ADK: variants seen among roughly 807,000 people sequenced by gnomAD.
ADK encodes the protein N6,N6-dimethyladenosine kinase.
Under a neutral mutation model 44.7 loss-of-function variants are expected in ADK, and 24 were observed. The ratio of observed to expected loss-of-function variants is 0.54; its 90% confidence interval spans 0.39 to 0.76. The LOEUF is 0.76. Ranked by LOEUF, ADK falls within the 30% of genes least tolerant of loss-of-function variation. ADK has a pLI of 0.00. For missense variants in ADK, 321 were observed against 425.1 expected (o/e 0.76, Z 2.15); for synonymous variants, 128 against 142.6 (o/e 0.90, Z 0.73).
intron 6 of ADK, chr10:74,506,213 T>C (rs569906957): frequency 6.3e-6 from 1 of 157,622 alleles, no homozygotes; most frequent in Non-Finnish European, 1.4e-5. Context: ...TTTTCATGCC[T>C]GCTGTCGTAG....
intron 6 of ADK, among the ~76,000 whole-genome samples, chr10:74,522,652 T>G (rs1388631117): frequency 6.6e-6 from 1 of 152,216 alleles, no homozygotes; most frequent in Non-Finnish European, 1.5e-5. Flanking sequence ...TTTTTTCTTT[T>G]TAAACTTTTC....
chr10:74,467,317 T>C (rs762033163), intron 6 of ADK, among the ~76,000 whole-genome samples: 32 of 152,262 alleles, frequency 2.1e-4, no homozygotes, highest in Non-Finnish European at 4.0e-4. Flanking sequence ...ACTAGGGTAC[T>C]GCAGACTTGA....
intron 9 of ADK, among the ~76,000 whole-genome samples, chr10:74,614,362 AAT>A (rs1372841812): frequency 6.6e-6 from 1 of 152,168 alleles, no homozygotes; most frequent in African/African-American, 2.4e-5. Flanking sequence ...AAAATCCACA[AAT>A]ATGTTACTAA....
At chr10:74,301,327 A>G (rs1269451524) in intron 3 of ADK, among the ~76,000 whole-genome samples, 1 of 152,054 alleles carries the variant, frequency 6.6e-6, no homozygotes, top group East Asian at 1.9e-4. Context: ...AGTCTGGCCA[A>G]TATGGTTAAT....
chr10:74,318,256 C>T (rs10824148), intron 4 of ADK, among the ~76,000 whole-genome samples: 19,555 of 152,100 alleles, frequency 0.13, 1,319 homozygotes, highest in Middle Eastern at 0.17. Flanking sequence ...TGAACTGCTG[C>T]GCTCACAGGG....
intron 6 of ADK, among the ~76,000 whole-genome samples, chr10:74,405,679 C>T (rs1421064945): frequency 6.6e-6 from 1 of 151,960 alleles, no homozygotes; most frequent in Non-Finnish European, 1.5e-5. Context: ...ATCTGAGGTG[C>T]AACAGTTTCA....
intron 6 of ADK, among the ~76,000 whole-genome samples, chr10:74,487,188 C>T (rs928585119): frequency 1.4e-4 from 22 of 151,882 alleles, no homozygotes; most frequent in Non-Finnish European, 4.4e-5. Context: ...AAGGATTAGC[C>T]ATAGATATTT....
At chr10:74,302,761 A>G (rs1366025985) in intron 3 of ADK, among the ~76,000 whole-genome samples, 1 of 152,004 alleles carries the variant, frequency 6.6e-6, no homozygotes, top group Non-Finnish European at 1.5e-5. Context: ...GTGCCACTGC[A>G]CTCCAGCCTC....
intron 6 of ADK, among the ~76,000 whole-genome samples, chr10:74,519,102 T>C (rs1848708882): frequency 6.6e-6 from 1 of 151,964 alleles, no homozygotes. Context: ...AAAATATTTA[T>C]TGTTTCAACA....
intron 6 of ADK, among the ~76,000 whole-genome samples, chr10:74,478,805 A>C (rs989234700): frequency 6.6e-6 from 1 of 152,162 alleles, no homozygotes; most frequent in Non-Finnish European, 1.5e-5. Flanking sequence ...AGAATTCATG[A>C]TTCTGCCCCA....
intron 6 of ADK, among the ~76,000 whole-genome samples, chr10:74,469,020 T>C (rs1038471387): frequency 6.6e-6 from 1 of 152,014 alleles, no homozygotes; most frequent in African/African-American, 2.4e-5. Flanking sequence ...TTAAGACTTA[T>C]GGTCAAAAAT....
chr10:74,648,470 G>A (rs901313228), intron 9 of ADK, among the ~76,000 whole-genome samples: 1 of 152,064 alleles, frequency 6.6e-6, no homozygotes, highest in Admixed American at 6.5e-5. Context: ...ATGAGGTCAG[G>A]AGATCAAGAC....
chr10:74,170,932 C>A (rs1368131810), intron 1 of ADK, among the ~76,000 whole-genome samples: 2 of 151,854 alleles, frequency 1.3e-5, no homozygotes, highest in Non-Finnish European at 2.9e-5. Flanking sequence ...ATCCTACTTT[C>A]CAGAGATAAC....
chr10:74,177,020 C>G, intron 1 of ADK: 1 of 1,279,698 alleles, frequency 7.8e-7, no homozygotes, highest in Non-Finnish European at 1.1e-6. Flanking sequence ...TGGGGGTTCC[C>G]TCCGCACTTT....
intron 7 of ADK, among the ~76,000 whole-genome samples, chr10:74,564,362 T>C (rs16931520): frequency 0.013 from 1,979 of 152,290 alleles, 48 homozygotes; most frequent in African/African-American, 0.045. Flanking sequence ...CCTTCTCAAA[T>C]CCAGGAAAAC....
intron 6 of ADK, among the ~76,000 whole-genome samples, chr10:74,463,680 C>T (rs1465000186): frequency 6.6e-6 from 1 of 152,182 alleles, no homozygotes; most frequent in African/African-American, 2.4e-5. Context: ...TTGTTTTATA[C>T]AATTCTAATT....
In ADK at chr10:74,600,371, A is replaced by G. The variant is rs372010404; in HGVS notation, c.763-8A>G. On this transcript the variant is annotated splice_polypyrimidine_tract_variant and splice_region_variant and intron_variant, in intron 8 of 10. Coordinates refer to ENST00000539909, the MANE Select transcript of ADK (RefSeq NM_006721.4). ...TCATGAGAATTTTTTCCTTCCTTCT[A>G]TTAATAGACTAAAGACATTAAAGAG... 11 of 1,591,426 alleles carry G rather than the reference A, an allele frequency of 6.9e-6. No individual in the cohort carries two copies. Among genetic ancestry groups the G allele is most frequent in the Non-Finnish European group, 9.5e-6 (11 of 1,163,178 alleles).
At chr10:74,646,527 C>G (rs1300621669) in intron 9 of ADK, among the ~76,000 whole-genome samples, 1 of 152,160 alleles carries the variant, frequency 6.6e-6, no homozygotes, top group Admixed American at 6.6e-5. Flanking sequence ...CAGAAAACTA[C>G]AAATATAGTG....
At chr10:74,629,112 C>A (rs561226215) in intron 9 of ADK, among the ~76,000 whole-genome samples, 1 of 152,154 alleles carries the variant, frequency 6.6e-6, no homozygotes, top group South Asian at 2.1e-4. Flanking sequence ...TCACTTCATC[C>A]TGGAACACTT....
Sources: allele counts gnomAD v4.1 joint callset (sites outside exome capture counted in the v4.1 genomes callset), GRCh38; gene constraint gnomAD v4.1.1; transcripts MANE v1.5; gene names NCBI Gene and HGNC (gene_info 2026-07-23, HGNC 2026-07-21).